DOCK3: variants seen among roughly 807,000 people sequenced by gnomAD.
DOCK3 encodes the protein dedicator of cytokinesis protein 3.
A neutral mutation model predicts 265.6 loss-of-function variants in DOCK3; 60 were observed. That is an observed-to-expected ratio of 0.23 (90% CI 0.18 to 0.28). The LOEUF is 0.28. DOCK3 is among the 10% of genes least tolerant of loss of function. DOCK3 has a pLI of 1.00. For missense variants in DOCK3, 1,981 were observed against 2,594.3 expected (o/e 0.76, Z 5.14); for synonymous variants, 881 against 938.0 (o/e 0.94, Z 1.11).
chr3:50,691,785 T>C (rs1470604980), intron 1 of DOCK3, among the ~76,000 whole-genome samples: 1 of 152,204 alleles, frequency 6.6e-6, no homozygotes, highest in Non-Finnish European at 1.5e-5. Flanking sequence ...CTCATTGTGG[T>C]TTTGATTTGT....
chr3:51,019,700 G>T (rs749188340), intron 5 of DOCK3, among the ~76,000 whole-genome samples: 4 of 130,272 alleles, frequency 3.1e-5, no homozygotes, highest in African/African-American at 6.2e-5. Flanking sequence ...TCATCATTCA[G>T]CTCCCACTTA....
chr3:51,334,255 C>T (rs997072884), intron 35 of DOCK3, among the ~76,000 whole-genome samples: 1 of 152,208 alleles, frequency 6.6e-6, no homozygotes, highest in East Asian at 1.9e-4. Flanking sequence ...ATTCTCTCAG[C>T]AGGGTTCAGG....
chr3:50,927,407 TAGAAG>T (rs2050817845), intron 4 of DOCK3, among the ~76,000 whole-genome samples: 1 of 152,176 alleles, frequency 6.6e-6, no homozygotes, highest in Non-Finnish European at 1.5e-5. Flanking sequence ...TCAAAATAGC[TAGAAG>T]AGAAGATTTA....
At chr3:51,342,669 C>T (rs891604273) in intron 38 of DOCK3, among the ~76,000 whole-genome samples, 3 of 152,184 alleles carry the variant, frequency 2.0e-5, no homozygotes, top group Non-Finnish European at 4.4e-5. Context: ...TGAGTCTACC[C>T]GTGGGATGCA....
intron 5 of DOCK3, among the ~76,000 whole-genome samples, chr3:50,965,474 GGAGA>G (rs1390079360): frequency 6.6e-6 from 1 of 151,950 alleles, no homozygotes; most frequent in Non-Finnish European, 1.5e-5. Context: ...ATAGAGGCTG[GGAGA>G]GAGAGAATGA....
chr3:51,380,021 C>A, intron 51 of DOCK3, 104 bp from the exon 52 acceptor site: 2 of 1,096,518 alleles, frequency 1.8e-6, no homozygotes, highest in Non-Finnish European at 2.6e-6. Context: ...GAGGGGTCCC[C>A]AGGGGACTCT....
intron 11 of DOCK3, 55 bp downstream of exon 11, chr3:51,159,359 T>C: frequency 1.3e-6 from 2 of 1,533,192 alleles, no homozygotes; most frequent in Non-Finnish European, 1.8e-6. Context: ...TTGGGATAAG[T>C]ATGTCTTGTG....
chr3:51,165,895 T>C (rs2086379645), intron 12 of DOCK3, among the ~76,000 whole-genome samples: 1 of 151,702 alleles, frequency 6.6e-6, no homozygotes, highest in South Asian at 2.1e-4. Context: ...AGTGGCCATC[T>C]CAAGTAAATA....
chr3:51,152,207 C>G (rs1487510677), intron 10 of DOCK3, among the ~76,000 whole-genome samples: 1 of 151,448 alleles, frequency 6.6e-6, no homozygotes, highest in Non-Finnish European at 1.5e-5. Flanking sequence ...CTTTTTTTTT[C>G]TCTAAACTTC....
chr3:51,115,780 T>G (rs2083708788), intron 9 of DOCK3, among the ~76,000 whole-genome samples: 1 of 152,242 alleles, frequency 6.6e-6, no homozygotes, highest in South Asian at 2.1e-4. Flanking sequence ...GTTTTAGGTC[T>G]TATGTTTAAG....
chr3:51,222,239 G>A (rs949451572), intron 14 of DOCK3, among the ~76,000 whole-genome samples: 2 of 152,082 alleles, frequency 1.3e-5, no homozygotes, highest in African/African-American at 4.8e-5. Context: ...CTGGCAGTTG[G>A]TGCCAGAGTT....
intron 13 of DOCK3, among the ~76,000 whole-genome samples, chr3:51,211,761 T>C (rs1307525673): frequency 6.6e-6 from 1 of 152,202 alleles, no homozygotes; most frequent in East Asian, 1.9e-4. Context: ...AATCTATCAT[T>C]GATGGACACT....
At chr3:50,698,851 T>A (rs1291774655) in intron 1 of DOCK3, among the ~76,000 whole-genome samples, 1 of 152,128 alleles carries the variant, frequency 6.6e-6, no homozygotes, top group Non-Finnish European at 1.5e-5. Flanking sequence ...GAATTGGGTC[T>A]GTTCTTTTGT....
At chr3:51,164,348 C>T (rs936601769) in intron 12 of DOCK3, among the ~76,000 whole-genome samples, 1 of 152,220 alleles carries the variant, frequency 6.6e-6, no homozygotes, top group East Asian at 1.9e-4. Context: ...TCAGGCCGGG[C>T]GCGGTGGCTC....
chr3:50,933,854 T>C, intron 4 of DOCK3, 127 bp from the exon 5 acceptor site: 1 of 574,772 alleles, frequency 1.7e-6, no homozygotes, highest in Non-Finnish European at 3.1e-6. Flanking sequence ...TTTGATCAAT[T>C]AGATATACTT....
chr3:51,249,290 C>T (rs2079038703), intron 22 of DOCK3, among the ~76,000 whole-genome samples: 1 of 140,698 alleles, frequency 7.1e-6, no homozygotes, highest in Non-Finnish European at 1.6e-5. Flanking sequence ...GTGAGGAGCC[C>T]CTCTGCCCAA....
At chr3:50,877,538 T>A (rs2047767721) in intron 3 of DOCK3, 1 of 520,008 alleles carries the variant, frequency 1.9e-6, no homozygotes, top group Non-Finnish European at 3.8e-6. Context: ...ATGAAGATAC[T>A]GACTGTGTTG....
chr3:51,346,621 C>G (rs1302470290), intron 38 of DOCK3, among the ~76,000 whole-genome samples: 2 of 151,438 alleles, frequency 1.3e-5, no homozygotes, highest in Non-Finnish European at 3.0e-5. Flanking sequence ...GTGTTTAGAG[C>G]AGCATGATTT....
At chr3:51,116,254 A>G (rs1484609232) in intron 9 of DOCK3, among the ~76,000 whole-genome samples, 2 of 152,026 alleles carry the variant, frequency 1.3e-5, no homozygotes, top group African/African-American at 2.4e-5. Context: ...GATCAAGACC[A>G]TCCTGGCTAA....
Sources: allele counts gnomAD v4.1 joint callset (sites outside exome capture counted in the v4.1 genomes callset), GRCh38; gene constraint gnomAD v4.1.1; transcripts MANE v1.5; gene names NCBI Gene and HGNC (gene_info 2026-07-23, HGNC 2026-07-21).